The following ARHGAP31 variants were observed in gnomAD, a reference collection of about 807,000 sequenced individuals.
ARHGAP31 encodes rho GTPase-activating protein 31.
A neutral mutation model predicts 113.9 loss-of-function variants in ARHGAP31; 34 were observed. The observed-to-expected ratio is 0.30, with a 90% CI of 0.23 to 0.40. The LOEUF is 0.40. Among genes scored for constraint, ARHGAP31 ranks in the 10% least tolerant of loss-of-function variants. The probability of loss-of-function intolerance (pLI) is 1.00; values close to 1 mark genes in which losing one functional copy is unlikely to be tolerated. For missense variants in ARHGAP31, 1,548 were observed against 1,767.1 expected (o/e 0.88, Z 2.22); for synonymous variants, 650 against 684.8 (o/e 0.95, Z 0.79).
rs1196122487 is a variant in ARHGAP31 at position 119,306,843 on chromosome 3, A to C, written c.100+11839A>C. On this transcript the variant is annotated intron_variant, in intron 1 of 11. Coordinates refer to ENST00000264245, the MANE Select transcript of ARHGAP31 (RefSeq NM_020754.4). ...GCACACAGAAAGAAGCAGCTATGTG[A>C]AACGACACGATTTTTATTTTCTTCA... 4.6e-5 allele frequency among the ~76,000 whole-genome samples: 7 copies of C among 152,328 alleles called. 1 individual carries two copies. The South Asian group carries it at 1.5e-3, about 32-fold the overall frequency.
chr3:119,322,978 T>C (rs58568360), intron 1 of ARHGAP31, among the ~76,000 whole-genome samples: 59,567 of 151,994 alleles, frequency 0.39, 11,873 homozygotes, highest in Non-Finnish European at 0.41. Flanking sequence ...AACGGACTCG[T>C]TTCTGCCCCG....
In ARHGAP31 at chr3:119,323,130, T is replaced by C. The variant is rs1163202032; in HGVS notation, c.100+28126T>C. ...TCCCGCTGCTCCGCCCAGCGGTTTC[T>C]GATCCCCTTTCGGCGCTGGGGACTC... On this transcript the variant is annotated intron_variant, in intron 1 of 11. Transcript: ENST00000264245. Among the ~76,000 whole-genome samples, 6 of 152,200 alleles carry C rather than the reference T, an allele frequency of 3.9e-5. No individual in the cohort carries two copies. In the East Asian group the frequency reaches 1.2e-3, roughly 29 times the overall value.
chr3:119,382,096 C>A (rs1414110333), intron 4 of ARHGAP31, among the ~76,000 whole-genome samples, 196 bp from the exon 5 acceptor site: 1 of 152,068 alleles, frequency 6.6e-6, no homozygotes, highest in African/African-American at 2.4e-5. Flanking sequence ...CAAAATGGAC[C>A]CCCTTCCCCA....
At chr3:119,347,917 C>G (rs1428272386) in intron 1 of ARHGAP31, among the ~76,000 whole-genome samples, 2 of 152,200 alleles carry the variant, frequency 1.3e-5, no homozygotes, top group East Asian at 3.8e-4. Flanking sequence ...TTCTCTAATT[C>G]TAGGAATAAG....
rs200969346 is a variant in ARHGAP31, at chr3:119,416,181, C to A, written c.4252C>A (p.Leu1418Ile). 89 of 1,614,080 alleles carry A rather than the reference C, an allele frequency of 5.5e-5. No individual in the cohort carries two copies. Among genetic ancestry groups the A allele is most frequent in the Non-Finnish European group, 6.9e-5 (82 of 1,180,054 alleles). The change falls in exon 12 of 12, where the codon CTA (leucine) becomes ATA (isoleucine). Residue 1418 changes from leucine to isoleucine, a missense_variant. Physicochemically the swap from Leu to Ile is conservative, Grantham distance 5. Coordinates refer to ENST00000264245, the MANE Select transcript of ARHGAP31 (RefSeq NM_020754.4). The stretch of plus-strand genomic sequence containing the variant: ...GACCATCCCTAAGAATGGCCAGAGA[C>A]TAGAGACCTCAACCAGCTGTTTTTA... ...KMTIPKNGQR[L>I]ETSTSCFYQP...
intron 4 of ARHGAP31, 46 bp downstream of exon 4, chr3:119,381,032 T>G (rs370263730): frequency 4.0e-5 from 61 of 1,539,586 alleles, no homozygotes; most frequent in Non-Finnish European, 5.3e-5. Flanking sequence ...CAATGCAGTG[T>G]AATACCAAAG....
chr3:119,317,340 G>C (rs1043539589), intron 1 of ARHGAP31, among the ~76,000 whole-genome samples: 1 of 151,930 alleles, frequency 6.6e-6, no homozygotes, highest in Non-Finnish European at 1.5e-5. Flanking sequence ...CACCATGTCC[G>C]GCTAATTTTT....
intron 9 of ARHGAP31, among the ~76,000 whole-genome samples, chr3:119,399,849 G>A (rs2080584570): frequency 6.6e-6 from 1 of 152,222 alleles, no homozygotes; most frequent in Non-Finnish European, 1.5e-5. Context: ...CGTGTATACA[G>A]TTGCACATGA....
intron 3 of ARHGAP31, among the ~76,000 whole-genome samples, chr3:119,368,985 G>A (rs1002205416): frequency 6.6e-6 from 1 of 152,090 alleles, no homozygotes; most frequent in Non-Finnish European, 1.5e-5. Context: ...AATGTCAAGA[G>A]GTGTCAGAAA....
intron 3 of ARHGAP31, among the ~76,000 whole-genome samples, chr3:119,371,535 A>G (rs1317456554): frequency 6.6e-6 from 1 of 152,222 alleles, no homozygotes; most frequent in African/African-American, 2.4e-5. Context: ...GATTTCTTTG[A>G]TCACAGATAA....
intron 3 of ARHGAP31, among the ~76,000 whole-genome samples, chr3:119,376,097 T>C (rs917148408): frequency 2.7e-5 from 4 of 148,002 alleles, no homozygotes; most frequent in African/African-American, 1.0e-4. Context: ...ATTTTATTTA[T>C]TGTTGTGTTT....
intron 1 of ARHGAP31, among the ~76,000 whole-genome samples, chr3:119,308,906 T>A (rs945448010): frequency 2.6e-5 from 4 of 152,104 alleles, no homozygotes; most frequent in Non-Finnish European, 5.9e-5. Context: ...AGTGGTACAA[T>A]CTTGGCTCAC....
At chr3:119,295,138 TTC>T (rs979776002) in intron 1 of ARHGAP31, 134 bp downstream of exon 1, 1 of 804,622 alleles carries the variant, frequency 1.2e-6, no homozygotes, top group African/African-American at 2.2e-5. Context: ...GCACTTTTTT[TTC>T]TTTTTTTTTT....
chr3:119,414,734 G>A lies in ARHGAP31; in HGVS notation c.2805G>A (p.Gln935=), dbSNP rs752044648. The change falls in exon 12 of 12, where the codon CAG becomes CAA. Residue 935 remains glutamine (Q), a synonymous_variant. Transcript: ENST00000264245. ...DAHKAQVQGL[Q]GHQLEKRLSH... Reference sequence around the variant, plus strand: ...ACAAGGCCCAGGTACAGGGCCTTCAGGGTCACCAGTTGGAGAAGAGGCTTT... The same window carrying A: ...ACAAGGCCCAGGTACAGGGCCTTCAAGGTCACCAGTTGGAGAAGAGGCTTT... 1 of 1,614,092 alleles carries A rather than the reference G, an allele frequency of 6.2e-7. No homozygotes were observed. Among genetic ancestry groups the A allele is most frequent in the Non-Finnish European group, 8.5e-7 (1 of 1,180,020 alleles).
At chr3:119,332,698 A>T (rs2079906170) in intron 1 of ARHGAP31, among the ~76,000 whole-genome samples, 2 of 147,686 alleles carry the variant, frequency 1.4e-5, no homozygotes, top group African/African-American at 2.5e-5. Flanking sequence ...CGACTTTCAG[A>T]CCTGTATTGG....
rs1288849183 is a variant in ARHGAP31 at position 119,414,051 on chromosome 3, C to A, written c.2122C>A (p.Pro708Thr). Residue 708 changes from proline to threonine, a missense_variant, in exon 12 of 12, where the codon CCT becomes ACT. Coordinates refer to ENST00000264245, the MANE Select transcript of ARHGAP31 (RefSeq NM_020754.4). ...TGGGAGCTTGCCTTGTGGCTCCTTC[C>A]CTGCTCCAGTCTCCACCCCTCTGGA... is the stretch of plus-strand genomic sequence containing the variant. ...PPGSLPCGSFPAPVSTPLEVW... is the reference protein window; with the variant it reads ...PPGSLPCGSFTAPVSTPLEVW... The A allele has an allele frequency of 1.1e-5, 17 of 1,614,044 alleles. No individual in the cohort carries two copies. The highest frequency in any genetic ancestry group is 1.4e-5 in the Non-Finnish European group (16 of 1,180,042).
chr3:119,363,130 CTG>C (rs2080224655), intron 1 of ARHGAP31, among the ~76,000 whole-genome samples: 1 of 152,150 alleles, frequency 6.6e-6, no homozygotes, highest in South Asian at 2.1e-4. Flanking sequence ...CAACCATAGA[CTG>C]TGTGGTGGCA....
rs1247534276 is a variant in ARHGAP31, at chr3:119,345,741, A to G, written c.101-19575A>G. On this transcript the variant is annotated intron_variant, in intron 1 of 11. Transcript: ENST00000264245. ...CTTGAATAATGGAGCGGACCTGGACAGGGACCCCTTTCTCTTCCTGGCTCT... is the reference window on the plus strand; with the variant it reads ...CTTGAATAATGGAGCGGACCTGGACGGGGACCCCTTTCTCTTCCTGGCTCT... 1.3e-5 allele frequency among the ~76,000 whole-genome samples: 2 copies of G among 152,280 alleles called. 1 individual carries two copies. Among genetic ancestry groups the G allele is most frequent in the South Asian group, 4.1e-4 (2 of 4,828 alleles).
At chr3:119,369,529 TG>T (rs2080278584) in intron 3 of ARHGAP31, among the ~76,000 whole-genome samples, 1 of 152,330 alleles carries the variant, frequency 6.6e-6, no homozygotes, top group East Asian at 1.9e-4. Flanking sequence ...ACCTTTCTCA[TG>T]GCTCCTGTAA....
Sources: allele counts gnomAD v4.1 joint callset (sites outside exome capture counted in the v4.1 genomes callset), GRCh38; gene constraint gnomAD v4.1.1; transcripts MANE v1.5; gene names NCBI Gene and HGNC (gene_info 2026-07-23, HGNC 2026-07-21).